The following MYH13 variants were observed in gnomAD, a reference collection of about 807,000 sequenced individuals.
The protein encoded by MYH13 is myosin heavy chain 13.
Under a neutral mutation model 232.1 loss-of-function variants are expected in MYH13, and 177 were observed. The observed-to-expected ratio is 0.76, with a 90% CI of 0.67 to 0.86. The LOEUF (loss-of-function observed/expected upper bound fraction) is 0.86, where lower values mean the gene tolerates loss of function less well. MYH13 is among the 40% of genes least tolerant of loss of function. The pLI, the probability that MYH13 is intolerant of heterozygous loss-of-function variation, is 0.00. For synonymous variants in MYH13, 884 were observed against 923.5 expected, an observed-to-expected ratio of 0.96 and a Z score of 0.78; for missense variants, 2,246 against 2,405.9, an observed-to-expected ratio of 0.93 and a Z score of 1.39.
chr17:10,313,606 C>T (rs954560489), intron 29 of MYH13, among the ~76,000 whole-genome samples: 1 of 152,096 alleles, frequency 6.6e-6, no homozygotes, highest in Non-Finnish European at 1.5e-5. Context: ...TTGCCATAAA[C>T]AGAAGGTAAC....
intron 31 of MYH13, 70 bp downstream of exon 31, chr17:10,312,504 T>A: frequency 6.7e-7 from 1 of 1,494,142 alleles, no homozygotes; most frequent in Admixed American, 2.3e-5. Context: ...GGTATTTTCA[T>A]GTAAATAGCA....
chr17:10,303,330 A>G, intron 38 of MYH13, 39 bp from the exon 39 acceptor site: 5 of 1,612,716 alleles, frequency 3.1e-6, no homozygotes, highest in African/African-American at 1.3e-5. Flanking sequence ...CCGCAAACCT[A>G]TGGTCACTTC....
In MYH13 at chr17:10,312,079, G is replaced by A. The variant is rs1242902807; in HGVS notation, c.4366-3C>T. 1 of 1,613,470 alleles carries A rather than the reference G, an allele frequency of 6.2e-7. No homozygotes were observed. The highest frequency in any genetic ancestry group is 1.1e-5 in the South Asian group (1 of 91,040). On this transcript the variant is annotated splice_polypyrimidine_tract_variant and splice_region_variant and intron_variant, in intron 31 of 40. Coordinates refer to ENST00000252172, the MANE Select transcript of MYH13 (RefSeq NM_003802.3). ...TTTTGCTTCCACTCTGCAAGGACCT[G>A]GGAGATGACAAAGGGACATGGGAGA...
intron 18 of MYH13, among the ~76,000 whole-genome samples, chr17:10,338,994 C>T (rs1567666352): frequency 6.6e-6 from 1 of 152,192 alleles, no homozygotes; most frequent in Non-Finnish European, 1.5e-5. Flanking sequence ...AGCCACTGTG[C>T]CCGGCCTATC....
chr17:10,322,789 AC>A (rs1264837838), intron 23 of MYH13, among the ~76,000 whole-genome samples: 3 of 151,850 alleles, frequency 2.0e-5, no homozygotes, highest in Admixed American at 2.0e-4. Flanking sequence ...GTCCGCCACC[AC>A]GCCCGGCTAA....
At chr17:10,338,305 G>A (rs772486343) in intron 18 of MYH13, among the ~76,000 whole-genome samples, 6 of 151,692 alleles carry the variant, frequency 4.0e-5, no homozygotes, top group Non-Finnish European at 8.8e-5. Context: ...GGAGAAGCCG[G>A]CTCATTGGTC....
chr17:10,350,874 T>G (rs1207701039), intron 11 of MYH13, 180 bp from the exon 12 acceptor site: 1 of 769,820 alleles, frequency 1.3e-6, no homozygotes, highest in Non-Finnish European at 2.2e-6. Context: ...TTTGTGTGGG[T>G]GGGTGAAGAC....
intron 18 of MYH13, among the ~76,000 whole-genome samples, chr17:10,334,921 A>G (rs2071560857): frequency 6.6e-6 from 1 of 151,784 alleles, no homozygotes; most frequent in African/African-American, 2.4e-5. Flanking sequence ...TAAAAAATTC[A>G]TAGAACCGCC....
chr17:10,362,488 T>C lies in MYH13; in HGVS notation c.220A>G (p.Asn74Asp). The change falls in exon 4 of 41, where the codon AAT (asparagine) becomes GAT (aspartate). Residue 74 changes from asparagine (N) to aspartate (D), a missense_variant. Coordinates refer to ENST00000252172, the MANE Select transcript of MYH13 (RefSeq NM_003802.3). ...TLDDRMLTLN[N>D]DQVFPMNPPK... ...GGGTTCATGGGGAAGACCTGGTCAT[T>C]GTTCAGAGTGAGCATCTGGGTATTG... 1.9e-6 allele frequency: 3 copies of C among 1,614,150 alleles called. No homozygotes were observed. Among genetic ancestry groups the C allele is most frequent in the Non-Finnish European group, 2.5e-6 (3 of 1,180,024 alleles).
intron 2 of MYH13, among the ~76,000 whole-genome samples, chr17:10,366,896 A>G (rs1049987312): frequency 2.6e-5 from 4 of 152,148 alleles, no homozygotes; most frequent in Admixed American, 6.5e-5. Flanking sequence ...TTATTCAGAT[A>G]AGTTGCATTT....
rs61543278 is a variant in MYH13 at position 10,326,981 on chromosome 17, GTTTTTTTTTTTTTTTTTTTTTT to G, written c.2691+863_2691+884del. On this transcript the variant is annotated intron_variant, in intron 22 of 40. Transcript: ENST00000252172. ...GAGACATGCACCACCATGCCTACTAGTTTTTTTTTTTTTTTTTTTTTTTTTTTTTTTTTTTTTTGAGACGGAG... is the reference window on the plus strand; with the variant it reads ...GAGACATGCACCACCATGCCTACTAGTTTTTTTTTTTTTTTTGAGACGGAG... 1.6e-4 allele frequency among the ~76,000 whole-genome samples: 9 copies of G among 55,832 alleles called. 1 individual carries two copies. The highest frequency in any genetic ancestry group is 1.8e-3 in the South Asian group (2 of 1,088). The allele number at this position is 55,832 out of a possible 152,430, so 36.6% of individuals were successfully genotyped here.
At chr17:10,339,872 ATATT>A (rs2071607589) in intron 18 of MYH13, among the ~76,000 whole-genome samples, 1 of 152,230 alleles carries the variant, frequency 6.6e-6, no homozygotes, top group South Asian at 2.1e-4. Context: ...ATAGTTGAAC[ATATT>A]TATGGGGTAC....
intron 26 of MYH13, among the ~76,000 whole-genome samples, chr17:10,319,605 G>T (rs1906859864): frequency 6.6e-6 from 1 of 152,112 alleles, no homozygotes; most frequent in Non-Finnish European, 1.5e-5. Context: ...CAAATCGATT[G>T]TGATGGAGAC....
At chr17:10,359,581 T>G (rs2071775307) in intron 7 of MYH13, among the ~76,000 whole-genome samples, 1 of 152,158 alleles carries the variant, frequency 6.6e-6, no homozygotes, top group African/African-American at 2.4e-5. Flanking sequence ...GGTCGTGAGC[T>G]CCTCCCAATT....
intron 11 of MYH13, among the ~76,000 whole-genome samples, chr17:10,354,052 A>G (rs779092798): frequency 6.6e-6 from 1 of 152,170 alleles, no homozygotes; most frequent in Non-Finnish European, 1.5e-5. Context: ...TAAAATGGAG[A>G]CAATAATGAC....
intron 23 of MYH13, among the ~76,000 whole-genome samples, chr17:10,322,670 G>A (rs543353737): frequency 4.5e-4 from 53 of 118,948 alleles, no homozygotes; most frequent in Admixed American, 1.5e-3. Context: ...GTCTCACTCT[G>A]TCGCCCAGGC....
rs1474562221 is a variant in MYH13 at position 10,304,336 on chromosome 17, G to T, written c.5467-838C>A. ...TAGGTCTTAGGAGCCACATTTTATT[G>T]ACAATGCAGGTGCTTTGAGCAAGTG... On this transcript the variant is annotated intron_variant, in intron 37 of 40. Coordinates refer to ENST00000252172, the MANE Select transcript of MYH13 (RefSeq NM_003802.3). The surrounding 1 kb of genome is among the most constrained non-coding windows in gnomAD (Gnocchi z 5.3). 6.6e-6 allele frequency among the ~76,000 whole-genome samples: 1 copy of T among 152,214 alleles called. No individual in the cohort carries two copies. The highest frequency in any genetic ancestry group is 2.4e-5 in the African/African-American group (1 of 41,452).
rs200612449 is a variant in MYH13 at position 10,309,302 on chromosome 17, G to C, written c.5101C>G (p.Arg1701Gly). 2,579 of 1,613,922 alleles carry C rather than the reference G, an allele frequency of 1.6e-3. 8 individuals carry two copies. Among genetic ancestry groups the C allele is most frequent in the Non-Finnish European group, 1.3e-3 (1,542 of 1,179,854 alleles). Residue 1701 changes from arginine to glycine, a missense_variant, in exon 35 of 41, where the codon CGG (arginine) becomes GGG (glycine). Arg to Gly is a moderately radical substitution (Grantham distance 125). Transcript: ENST00000252172. The part of the protein sequence containing the change: ...EMKVALEQTE[R>G]TRRLSEQELL... ...TCCTGCTCTGACAGCCTGCGGGTCC[G>C]CTCCGTCTGTTCCAGGGCCACCTTC... is the stretch of plus-strand genomic sequence containing the variant.
At chr17:10,308,877 C>T (rs1175955131) in intron 35 of MYH13, among the ~76,000 whole-genome samples, 1 of 152,030 alleles carries the variant, frequency 6.6e-6, no homozygotes, top group Non-Finnish European at 1.5e-5. Flanking sequence ...TGGCGCTGAG[C>T]CGGGTCAAAA....
Sources: gnomAD v4.1 joint callset for allele counts (sites outside exome capture counted in the v4.1 genomes callset) on GRCh38, gnomAD v4.1.1 for gene constraint, Gnocchi (gnomAD v3.1) non-coding constraint, MANE v1.5 for transcripts, NCBI Gene and HGNC (gene_info 2026-07-23, HGNC 2026-07-21) for gene names.